The following GRIK1 variants were observed in gnomAD, a reference collection of about 807,000 sequenced individuals.
The protein encoded by GRIK1 is glutamate ionotropic receptor kainate type subunit 1, also known as glutamate receptor ionotropic, kainate 1.
In GRIK1, 69 loss-of-function variants were observed where a neutral mutation model predicts 105.7. The ratio of observed to expected loss-of-function variants is 0.65; its 90% CI spans 0.54 to 0.80. The LOEUF (loss-of-function observed/expected upper bound fraction) is 0.80. Ranked by LOEUF, GRIK1 falls within the 30% of genes least tolerant of loss-of-function variation. The pLI, the probability that GRIK1 is intolerant of heterozygous loss-of-function variation, is 0.00. For synonymous variants in GRIK1, 438 were observed against 431.3 expected, an observed-to-expected ratio of 1.02 and a Z score of -0.19; for missense variants, 1,109 against 1,167.3, an observed-to-expected ratio of 0.95 and a Z score of 0.73.
At chr21:29,788,309 A>G (rs972187825) in intron 1 of GRIK1, among the ~76,000 whole-genome samples, 1 of 152,192 alleles carries the variant, frequency 6.6e-6, no homozygotes, top group African/African-American at 2.4e-5. Flanking sequence ...TTGCGAAAAG[A>G]CATTTGCAGA....
intron 1 of GRIK1, among the ~76,000 whole-genome samples, chr21:29,834,254 T>C (rs948705525): frequency 1.1e-4 from 17 of 150,714 alleles, no homozygotes; most frequent in African/African-American, 3.9e-4. Flanking sequence ...TCTCCCAAAA[T>C]AGGAACTTGG....
At chr21:29,925,451 A>G in intron 1 of GRIK1, among the ~76,000 whole-genome samples, 1 of 152,222 alleles carries the variant, frequency 6.6e-6, no homozygotes, top group East Asian at 1.9e-4. Context: ...TAAGCCTTTA[A>G]AATATTTTTA....
chr21:29,570,602 G>A (rs1218648125), intron 14 of GRIK1, among the ~76,000 whole-genome samples: 6 of 152,122 alleles, frequency 3.9e-5, no homozygotes, highest in East Asian at 1.9e-4. Context: ...GATGCCGATC[G>A]CCTCATATTC....
intron 1 of GRIK1, among the ~76,000 whole-genome samples, chr21:29,761,817 A>C (rs1207856776): frequency 7.1e-6 from 1 of 140,738 alleles, no homozygotes; most frequent in Non-Finnish European, 1.5e-5. Flanking sequence ...GCGTGATCTC[A>C]GCTCACTGCA....
chr21:29,869,793 A>T lies in GRIK1; in HGVS notation c.118+69590T>A, dbSNP rs573863700. On this transcript the variant is annotated intron_variant, in intron 1 of 17. Coordinates refer to ENST00000327783, the MANE Select transcript of GRIK1 (RefSeq NM_001330994.2). ...GGAAAACATAAACAAACATTAAAAA[A>T]TCTATATTCAAACCCTCCACAGCTA... 7.2e-5 allele frequency among the ~76,000 whole-genome samples: 11 copies of T among 152,334 alleles called. No individual in the cohort carries two copies. The East Asian group carries it at 2.1e-3, about 29-fold the overall frequency.
At chr21:29,618,473 C>A (rs1039266824) in intron 7 of GRIK1, among the ~76,000 whole-genome samples, 1 of 152,152 alleles carries the variant, frequency 6.6e-6, no homozygotes, top group Non-Finnish European at 1.5e-5. Context: ...GAACTAAAAG[C>A]AGAACTACCA....
chr21:29,557,208 T>G (rs1015862156), intron 15 of GRIK1, among the ~76,000 whole-genome samples: 1 of 152,128 alleles, frequency 6.6e-6, no homozygotes, highest in Non-Finnish European at 1.5e-5. Context: ...TTCTACTCAG[T>G]AGAAAAGTAG....
intron 1 of GRIK1, among the ~76,000 whole-genome samples, chr21:29,876,038 C>T (rs935831631): frequency 2.0e-5 from 3 of 151,974 alleles, no homozygotes; most frequent in African/African-American, 4.8e-5. Flanking sequence ...GCACCTTTGT[C>T]AACTAGGCAC....
chr21:29,736,958 C>G (rs2146922296), intron 1 of GRIK1, among the ~76,000 whole-genome samples: 1 of 152,180 alleles, frequency 6.6e-6, no homozygotes, highest in South Asian at 2.1e-4. Context: ...GGATTACAGG[C>G]GTGAACAACC....
chr21:29,655,017 T>C (rs921924686), intron 4 of GRIK1, among the ~76,000 whole-genome samples, 154 bp from the exon 5 acceptor site: 4 of 152,336 alleles, frequency 2.6e-5, no homozygotes, highest in Non-Finnish European at 5.9e-5. Context: ...GGCCAATGAG[T>C]GGCTGGTGTG....
intron 1 of GRIK1, among the ~76,000 whole-genome samples, chr21:29,862,165 T>C (rs1005496126): frequency 3.9e-5 from 6 of 152,246 alleles, no homozygotes; most frequent in Middle Eastern, 3.4e-3. Context: ...TGTCTTATTT[T>C]TTTGTGGCAA....
chr21:29,639,571 G>A (rs111778849), intron 7 of GRIK1, among the ~76,000 whole-genome samples: 190 of 152,330 alleles, frequency 1.2e-3, no homozygotes, highest in African/African-American at 4.4e-3. Flanking sequence ...TGGAGCAGGA[G>A]ATGAGAGAGC....
rs1393551222 is a variant in GRIK1, at chr21:29,848,771, A to T, written c.118+90612T>A. Reference sequence around the variant, plus strand: ...GTTGTGTGTGTATATATATATATATATATATATATTTTTTTTTTTTTCCAC... The same window carrying T: ...GTTGTGTGTGTATATATATATATATTTATATATATTTTTTTTTTTTTCCAC... On this transcript the variant is annotated intron_variant, in intron 1 of 17. Transcript: ENST00000327783. Among the ~76,000 whole-genome samples the T allele has an allele frequency of 3.2e-3, 307 of 95,774 alleles. 3 individuals are homozygous for T. The highest frequency in any genetic ancestry group is 0.019 in the African/African-American group (295 of 15,910). 62.8% of individuals were successfully genotyped at this position (95,774 alleles called of 152,430 possible). A position where few individuals can be genotyped will look rare whatever the true frequency, so the allele number is the denominator to read the frequency against.
chr21:29,836,461 A>C (rs2067808866), intron 1 of GRIK1, among the ~76,000 whole-genome samples: 1 of 152,194 alleles, frequency 6.6e-6, no homozygotes, highest in Admixed American at 6.6e-5. Flanking sequence ...CAACTCTGGG[A>C]AAAGTCCCTA....
At chr21:29,814,246 C>T (rs1196923673) in intron 1 of GRIK1, among the ~76,000 whole-genome samples, 1 of 151,654 alleles carries the variant, frequency 6.6e-6, no homozygotes, top group Non-Finnish European at 1.5e-5. Flanking sequence ...TCACCGTGCC[C>T]AGCTCCCAAG....
intron 1 of GRIK1, among the ~76,000 whole-genome samples, chr21:29,695,989 G>A (rs2063695108): frequency 6.6e-6 from 1 of 152,126 alleles, no homozygotes; most frequent in Admixed American, 6.5e-5. Flanking sequence ...TGTTAGAAAG[G>A]GAACTCCAAT....
chr21:29,737,523 GT>G (rs1238090569), intron 1 of GRIK1, among the ~76,000 whole-genome samples: 1 of 152,200 alleles, frequency 6.6e-6, no homozygotes, highest in East Asian at 1.9e-4. Flanking sequence ...AGAGAAAACT[GT>G]TTTTAGCACA....
intron 1 of GRIK1, among the ~76,000 whole-genome samples, chr21:29,882,362 A>G (rs930791351): frequency 2.0e-5 from 3 of 152,104 alleles, no homozygotes; most frequent in African/African-American, 7.2e-5. Flanking sequence ...CTAATATAGA[A>G]CCTTCTATTG....
chr21:29,926,774 G>C (rs879257150), intron 1 of GRIK1, among the ~76,000 whole-genome samples: 10 of 152,056 alleles, frequency 6.6e-5, no homozygotes, highest in Admixed American at 3.9e-4. Context: ...ATTCCAAGAA[G>C]AGTATACTGT....
Sources: gnomAD v4.1 joint callset for allele counts (sites outside exome capture counted in the v4.1 genomes callset) on GRCh38, gnomAD v4.1.1 for gene constraint, MANE v1.5 for transcripts, NCBI Gene and HGNC (gene_info 2026-07-23, HGNC 2026-07-21) for gene names.